PRIMA1: variants seen among roughly 807,000 people sequenced by gnomAD.
PRIMA1 encodes proline-rich membrane anchor 1.
A neutral mutation model predicts 17.5 loss-of-function variants in PRIMA1; 7 were observed. The observed-to-expected ratio is 0.40, with a 90% CI of 0.23 to 0.75. The LOEUF is 0.75. PRIMA1 is among the 30% of genes least tolerant of loss of function. PRIMA1 has a pLI of 0.37. For synonymous variants in PRIMA1, 97 were observed against 77.9 expected, an observed-to-expected ratio of 1.25 and a Z score of -1.29; for missense variants, 200 against 201.8, an observed-to-expected ratio of 0.99 and a Z score of 0.05.
At chr14:93,749,462 C>T (rs2076247232) in intron 3 of PRIMA1, among the ~76,000 whole-genome samples, 1 of 152,204 alleles carries the variant, frequency 6.6e-6, no homozygotes, top group Non-Finnish European at 1.5e-5. Flanking sequence ...ATTGGACATT[C>T]ATTAAATCAT....
intron 3 of PRIMA1, among the ~76,000 whole-genome samples, chr14:93,749,709 A>T (rs1001275184): frequency 6.6e-6 from 1 of 152,228 alleles, no homozygotes; most frequent in Admixed American, 6.5e-5. Flanking sequence ...CACCTAGTTG[A>T]TGCTCAATAG....
chr14:93,772,400 T>C (rs1355372371), intron 3 of PRIMA1, among the ~76,000 whole-genome samples: 1 of 152,276 alleles, frequency 6.6e-6, no homozygotes, highest in Non-Finnish European at 1.5e-5. Flanking sequence ...CTGCCACAGC[T>C]ATTTTTGGCC....
chr14:93,787,676 A>G lies in PRIMA1; in HGVS notation c.43T>C (p.Ser15Pro), dbSNP rs1416173462. ...DLVLRRGCCW[S>P]SLLLHCALHP... Reference sequence around the variant, plus strand: ...AGCGCGCAGTGCAGCAGCAGCGAGGACCAGCAGCAGCCACGGCGCAGCACC... The same window carrying G: ...AGCGCGCAGTGCAGCAGCAGCGAGGGCCAGCAGCAGCCACGGCGCAGCACC... The change falls in exon 2 of 5, where the codon TCC becomes CCC. Residue 15 changes from serine (S) to proline (P), a missense_variant. By Grantham distance (74) the Ser-to-Pro change is moderately conservative (BLOSUM62 -1). Coordinates refer to ENST00000393140, the MANE Select transcript of PRIMA1 (RefSeq NM_178013.4). 6.5e-7 allele frequency: 1 copy of G among 1,544,318 alleles called. No individual in the cohort carries two copies. The highest frequency in any genetic ancestry group is 8.7e-7 in the Non-Finnish European group (1 of 1,146,788).
At chr14:93,749,042 A>G (rs2076244544) in intron 3 of PRIMA1, among the ~76,000 whole-genome samples, 1 of 151,970 alleles carries the variant, frequency 6.6e-6, no homozygotes, top group African/African-American at 2.4e-5. Flanking sequence ...TTTTTGCCCA[A>G]ATAGCCCTCT....
intron 1 of PRIMA1, among the ~76,000 whole-genome samples, chr14:93,788,137 C>T (rs1458698744): frequency 6.6e-6 from 1 of 152,200 alleles, no homozygotes; most frequent in African/African-American, 2.4e-5. Flanking sequence ...CCTGCGCGCA[C>T]AACCACAGAA....
intron 3 of PRIMA1, among the ~76,000 whole-genome samples, chr14:93,772,284 C>A (rs1885092435): frequency 6.6e-6 from 1 of 152,250 alleles, no homozygotes; most frequent in African/African-American, 2.4e-5. Context: ...ACTTAACCTC[C>A]TTCTGATCTT....
Position 93,772,812 on chromosome 14 carries a change from T to C in PRIMA1, c.229+6364A>G, listed in dbSNP as rs913306948. The stretch of plus-strand genomic sequence containing the variant: ...GAGCCCATCTCATCCTCAGAGTGTC[T>C]AATCTGATGCTCCTATCTCAGCAGA... On this transcript the variant is annotated intron_variant, in intron 3 of 4. Coordinates refer to ENST00000393140, the MANE Select transcript of PRIMA1 (RefSeq NM_178013.4). 2.4e-4 allele frequency among the ~76,000 whole-genome samples: 37 copies of C among 152,210 alleles called. 1 individual carries two copies. The highest frequency in any genetic ancestry group is 8.0e-4 in the African/African-American group (33 of 41,468).
intron 2 of PRIMA1, among the ~76,000 whole-genome samples, chr14:93,785,730 A>G (rs919737770): frequency 5.9e-5 from 9 of 151,986 alleles, no homozygotes; most frequent in African/African-American, 2.2e-4. Flanking sequence ...CCCTGTCCCT[A>G]TCATTTGTAA....
chr14:93,760,726 T>C (rs2076321333), intron 3 of PRIMA1, among the ~76,000 whole-genome samples: 1 of 152,152 alleles, frequency 6.6e-6, no homozygotes, highest in South Asian at 2.1e-4. Flanking sequence ...ACTAGCTGGG[T>C]CAATCAATGG....
At chr14:93,784,602 G>C (rs748673498) in intron 2 of PRIMA1, among the ~76,000 whole-genome samples, 7 of 152,154 alleles carry the variant, frequency 4.6e-5, no homozygotes, top group Non-Finnish European at 8.8e-5. Context: ...TACAACAGTG[G>C]CCTTACCTGG....
chr14:93,788,031 C>T (rs1202490260), intron 1 of PRIMA1, among the ~76,000 whole-genome samples: 1 of 152,168 alleles, frequency 6.6e-6, no homozygotes. Context: ...CCATGGACAC[C>T]TCCAGAAACA....
chr14:93,779,233 G>GA lies in PRIMA1; in HGVS notation c.171dup (p.Pro58SerfsTer29). The stretch of plus-strand genomic sequence containing the variant: ...GGTGGGGGCGGCGGGGGCAGCGGGG[G>GA]AGGGGGCCGGCACTGGCAGACGTGT... On this transcript the variant is annotated frameshift_variant, in exon 3 of 5. Transcript: ENST00000393140. LOFTEE classifies it high-confidence loss of function. The GA allele has an allele frequency of 2.7e-6, 3 of 1,094,118 alleles. No individual in the cohort carries two copies. Among genetic ancestry groups the GA allele is most frequent in the Non-Finnish European group, 3.9e-6 (3 of 775,664 alleles). 67.8% of individuals were successfully genotyped at this position (1,094,118 alleles called of 1,614,324 possible).
chr14:93,723,115 GTGTC>G (rs2076053075), intron 4 of PRIMA1, among the ~76,000 whole-genome samples: 1 of 152,076 alleles, frequency 6.6e-6, no homozygotes, highest in Non-Finnish European at 1.5e-5. Flanking sequence ...CCCAGCCTGA[GTGTC>G]TGTATCCTCC....
chr14:93,731,888 G>C (rs2076116869), intron 4 of PRIMA1, among the ~76,000 whole-genome samples: 1 of 152,220 alleles, frequency 6.6e-6, no homozygotes, highest in Non-Finnish European at 1.5e-5. Flanking sequence ...ATTCAAAAGT[G>C]CTCGTTCTAC....
chr14:93,722,287 G>C (rs111171224), intron 4 of PRIMA1, among the ~76,000 whole-genome samples: 11 of 3,344 alleles, frequency 3.3e-3, no homozygotes, highest in African/African-American at 9.8e-3. Flanking sequence ...GGTGGTGGTG[G>C]TAGTGGTGAT....
chr14:93,758,674 G>A (rs984760250), intron 3 of PRIMA1, among the ~76,000 whole-genome samples: 1 of 152,016 alleles, frequency 6.6e-6, no homozygotes, highest in Admixed American at 6.5e-5. Context: ...CAAAAGCCCT[G>A]ATGAAGGACA....
intron 3 of PRIMA1, among the ~76,000 whole-genome samples, chr14:93,759,187 T>C (rs1352698631): frequency 7.2e-5 from 11 of 152,168 alleles, no homozygotes; most frequent in Admixed American, 3.3e-4. Context: ...GCTTGAGGGC[T>C]AAGCAGTTGC....
chr14:93,787,801 C>T, intron 1 of PRIMA1, 52 bp from the exon 2 acceptor site: 3 of 1,497,830 alleles, frequency 2.0e-6, no homozygotes, highest in Non-Finnish European at 2.7e-6. Flanking sequence ...GGCACTTCCG[C>T]CGCCGCGCAC....
chr14:93,759,592 G>A (rs2076314427), intron 3 of PRIMA1, among the ~76,000 whole-genome samples: 1 of 152,170 alleles, frequency 6.6e-6, no homozygotes, highest in African/African-American at 2.4e-5. Flanking sequence ...AAGAGAGCAT[G>A]ACGGAGAGGG....
Sources: gnomAD v4.1 joint callset for allele counts (sites outside exome capture counted in the v4.1 genomes callset) on GRCh38, gnomAD v4.1.1 for gene constraint, MANE v1.5 for transcripts, NCBI Gene and HGNC (gene_info 2026-07-23, HGNC 2026-07-21) for gene names.